Variants in THSD4 observed in about 807,000 individuals in gnomAD.
The protein encoded by THSD4 is thrombospondin type-1 domain-containing protein 4.
In THSD4, 69 loss-of-function variants were observed where a neutral mutation model predicts 119.0. That is an observed-to-expected ratio of 0.58 (90% CI 0.48 to 0.71). The LOEUF is 0.71. Ranked by LOEUF, THSD4 falls within the 30% of genes least tolerant of loss-of-function variation. The probability of loss-of-function intolerance (pLI) is 0.00; values close to 1 mark genes in which losing one functional copy is unlikely to be tolerated. For synonymous variants in THSD4, 524 were observed against 540.4 expected (o/e 0.97, Z 0.42); for missense variants, 1,393 against 1,391.1 (o/e 1.00, Z -0.02).
intron 8 of THSD4, among the ~76,000 whole-genome samples, chr15:71,715,530 T>G (rs533783271): frequency 6.6e-6 from 1 of 152,244 alleles, no homozygotes; most frequent in South Asian, 2.1e-4. Context: ...GGAATTTAGT[T>G]GTGTGTTTAT....
chr15:71,562,040 T>C (rs1233640792), intron 7 of THSD4, among the ~76,000 whole-genome samples: 1 of 152,196 alleles, frequency 6.6e-6, no homozygotes, highest in African/African-American at 2.4e-5. Flanking sequence ...AACCTACTGA[T>C]TTTACATATG....
At chr15:71,439,150 C>T (rs1416706310) in intron 7 of THSD4, among the ~76,000 whole-genome samples, 1 of 152,194 alleles carries the variant, frequency 6.6e-6, no homozygotes, top group Non-Finnish European at 1.5e-5. Flanking sequence ...CAAATCACTG[C>T]TCCCATAGGC....
Position 71,609,439 on chromosome 15 carries a change from A to G in THSD4, c.1153-51091A>G, listed in dbSNP as rs149802650. 5.2e-3 allele frequency among the ~76,000 whole-genome samples: 785 copies of G among 152,292 alleles called. 4 individuals carry two copies. The highest frequency in any genetic ancestry group is 0.018 in the African/African-American group (754 of 41,556). On this transcript the variant is annotated intron_variant, in intron 7 of 17. Coordinates refer to ENST00000261862, the MANE Select transcript of THSD4 (RefSeq NM_024817.3). ...TCAGAGGTAACAGACTTCCAGGGCC[A>G]GGGTCACCTCTTGATTTAACTTGGG...
upstream of THSD4, chr15:71,111,455 AAGG>A: frequency 6.5e-7 from 1 of 1,539,262 alleles, no homozygotes; most frequent in Non-Finnish European, 8.8e-7. Flanking sequence ...GGACTGGGTT[AAGG>A]AGGCAAGCAG....
At chr15:71,225,401 T>G (rs547167127) in intron 4 of THSD4, among the ~76,000 whole-genome samples, 1 of 152,280 alleles carries the variant, frequency 6.6e-6, no homozygotes, top group East Asian at 1.9e-4. Flanking sequence ...ATTCTAGTTA[T>G]TAAGGGGTCT....
intron 7 of THSD4, among the ~76,000 whole-genome samples, chr15:71,443,510 A>G (rs1271984110): frequency 6.6e-6 from 1 of 152,206 alleles, no homozygotes; most frequent in Non-Finnish European, 1.5e-5. Flanking sequence ...AATTTAGAGT[A>G]AGGAGGGAGA....
intron 7 of THSD4, among the ~76,000 whole-genome samples, chr15:71,462,669 C>T (rs1445618341): frequency 2.0e-5 from 3 of 152,176 alleles, no homozygotes; most frequent in Admixed American, 6.5e-5. Context: ...GGAGTAAAAC[C>T]AAATGTGAAA....
chr15:71,545,988 G>A (rs2140847737), intron 7 of THSD4, among the ~76,000 whole-genome samples: 1 of 152,236 alleles, frequency 6.6e-6, no homozygotes, highest in Non-Finnish European at 1.5e-5. Flanking sequence ...ACTTTCTGGG[G>A]CTGGCTGCTG....
chr15:71,190,975 C>T (rs1035528718), intron 3 of THSD4, among the ~76,000 whole-genome samples: 64 of 152,160 alleles, frequency 4.2e-4, no homozygotes, highest in African/African-American at 1.5e-3. Context: ...CTAAATTGCT[C>T]TTTGTGGAAG....
intron 7 of THSD4, among the ~76,000 whole-genome samples, chr15:71,645,693 A>G (rs1158876268): frequency 6.6e-6 from 1 of 152,182 alleles, no homozygotes; most frequent in Admixed American, 6.5e-5. Context: ...TGGGGAAAAA[A>G]GCTTTTATCA....
Position 71,411,782 on chromosome 15 carries a change from G to A in THSD4, c.1111G>A (p.Asp371Asn). The change falls in exon 7 of 18, where the codon GAC becomes AAC. Residue 371 changes from aspartate to asparagine, a missense_variant. Physicochemically the swap from Asp to Asn is conservative, Grantham distance 23. Transcript: ENST00000261862. ...AEKVIDGTPCDQNGTAICVSG... is the reference protein window; with the variant it reads ...AEKVIDGTPCNQNGTAICVSG... The stretch of plus-strand genomic sequence containing the variant: ...GAAAGTCATCGATGGCACCCCCTGT[G>A]ACCAGAACGGCACGGCCATCTGTGT... 6.2e-7 allele frequency: 1 copy of A among 1,614,096 alleles called. No homozygotes were observed. Among genetic ancestry groups the A allele is most frequent in the Non-Finnish European group, 8.5e-7 (1 of 1,179,998 alleles).
chr15:71,452,534 A>C (rs1217993522), intron 7 of THSD4, among the ~76,000 whole-genome samples: 1 of 152,108 alleles, frequency 6.6e-6, no homozygotes, highest in Non-Finnish European at 1.5e-5. Flanking sequence ...AAAAAAAAAA[A>C]AAAAAAATTC....
chr15:71,727,443 C>T (rs1004904813), intron 8 of THSD4, among the ~76,000 whole-genome samples: 2 of 150,744 alleles, frequency 1.3e-5, no homozygotes, highest in African/African-American at 4.9e-5. Context: ...CACCTGTAAT[C>T]CCAGCACTTT....
Position 71,332,891 on chromosome 15 carries a change from C to CTTTT in THSD4, c.1015+76176_1015+76177insTTTT, listed in dbSNP as rs1184457820. On this transcript the variant is annotated intron_variant, in intron 6 of 17. Transcript: ENST00000261862. ...TTCTTAAAACATTGAGATTTTTTTA[C>CTTTT]ATTTTTTTTTTTTTTTTAGTTCATC... is the stretch of plus-strand genomic sequence containing the variant. 2.1e-3 allele frequency among the ~76,000 whole-genome samples: 79 copies of CTTTT among 38,044 alleles called. 9 individuals are homozygous for CTTTT. The highest frequency in any genetic ancestry group is 3.2e-3 in the Non-Finnish European group (56 of 17,674). The allele number at this position is 38,044 out of a possible 152,430, so 25.0% of individuals were successfully genotyped here.
intron 6 of THSD4, among the ~76,000 whole-genome samples, chr15:71,336,608 CTTT>C (rs1480471407): frequency 6.6e-6 from 1 of 152,182 alleles, no homozygotes; most frequent in East Asian, 1.9e-4. Context: ...CTGAATTAGA[CTTT>C]TTAAGAGACA....
chr15:71,596,743 G>T (rs1490969111), intron 7 of THSD4, among the ~76,000 whole-genome samples: 2 of 152,222 alleles, frequency 1.3e-5, no homozygotes, highest in African/African-American at 4.8e-5. Flanking sequence ...ACATGGTAGG[G>T]TTAGAATCCT....
At chr15:71,277,128 CTT>C (rs779207517) in intron 6 of THSD4, among the ~76,000 whole-genome samples, 12 of 122,972 alleles carry the variant, frequency 9.8e-5, no homozygotes, top group Admixed American at 1.7e-4. Flanking sequence ...TCTTCTTCTT[CTT>C]TTTTTTTTTT....
chr15:71,653,049 C>T (rs1006461468), intron 7 of THSD4, among the ~76,000 whole-genome samples: 7 of 152,248 alleles, frequency 4.6e-5, no homozygotes, highest in African/African-American at 1.7e-4. Flanking sequence ...TGAGCCAGTT[C>T]GAAGAGCAGG....
chr15:71,209,816 G>C (rs554112774), intron 3 of THSD4, among the ~76,000 whole-genome samples: 1 of 152,104 alleles, frequency 6.6e-6, no homozygotes, highest in Non-Finnish European at 1.5e-5. Context: ...ATGGGGGCGG[G>C]TCTTTCCTGT....
Sources: gnomAD v4.1 joint callset for allele counts (sites outside exome capture counted in the v4.1 genomes callset) on GRCh38, gnomAD v4.1.1 for gene constraint, MANE v1.5 for transcripts, NCBI Gene and HGNC (gene_info 2026-07-23, HGNC 2026-07-21) for gene names.